The following ERBB4 variants were observed in gnomAD, a reference collection of about 807,000 sequenced individuals.
The protein encoded by ERBB4 is receptor tyrosine-protein kinase erbB-4.
In ERBB4, 42 loss-of-function variants were observed where a neutral mutation model predicts 158.0. The ratio of observed to expected loss-of-function variants is 0.27; its 90% CI spans 0.21 to 0.34. The LOEUF (loss-of-function observed/expected upper bound fraction) is 0.34, where lower values mean the gene tolerates loss of function less well. Among genes scored for constraint, ERBB4 ranks in the 10% least tolerant of loss-of-function variants. The probability of loss-of-function intolerance (pLI) is 1.00; values close to 1 mark genes in which losing one functional copy is unlikely to be tolerated. For synonymous variants in ERBB4, 583 were observed against 558.7 expected, an observed-to-expected ratio of 1.04 and a Z score of -0.61; for missense variants, 1,333 against 1,624.1, an observed-to-expected ratio of 0.82 and a Z score of 3.08.
intron 19 of ERBB4, among the ~76,000 whole-genome samples, chr2:211,590,299 G>A (rs886820081): frequency 1.3e-5 from 2 of 152,110 alleles, no homozygotes; most frequent in African/African-American, 4.8e-5. Context: ...GACGATAATG[G>A]CCCTTTCCCA....
At chr2:211,387,225 AG>A in intron 26 of ERBB4, 75 bp from the exon 27 acceptor site, 1 of 1,152,996 alleles carries the variant, frequency 8.7e-7, no homozygotes, top group Non-Finnish European at 1.3e-6. Context: ...AATAGCCACA[AG>A]GATATCAAAG....
chr2:212,510,509 G>C (rs1691457913), intron 1 of ERBB4, among the ~76,000 whole-genome samples: 1 of 151,904 alleles, frequency 6.6e-6, no homozygotes, highest in African/African-American at 2.4e-5. Flanking sequence ...ATAATCCAAT[G>C]ATATGATTTT....
chr2:212,507,832 C>T (rs1480608220), intron 1 of ERBB4, among the ~76,000 whole-genome samples: 1 of 152,128 alleles, frequency 6.6e-6, no homozygotes, highest in Non-Finnish European at 1.5e-5. Flanking sequence ...TATATAAACT[C>T]AGTTGAAAAA....
chr2:212,122,938 T>C (rs1444995855), intron 2 of ERBB4, among the ~76,000 whole-genome samples: 1 of 152,166 alleles, frequency 6.6e-6, no homozygotes, highest in African/African-American at 2.4e-5. Flanking sequence ...ATTTTAAAAT[T>C]TTTCTATTAT....
chr2:211,861,616 T>G (rs1559587092), intron 3 of ERBB4, among the ~76,000 whole-genome samples: 1 of 152,124 alleles, frequency 6.6e-6, no homozygotes, highest in Admixed American at 6.6e-5. Flanking sequence ...TATAATTTTC[T>G]TCATCTCTCA....
chr2:212,093,793 A>T (rs1055390668), intron 2 of ERBB4, among the ~76,000 whole-genome samples: 5 of 152,332 alleles, frequency 3.3e-5, no homozygotes, highest in South Asian at 4.1e-4. Context: ...ATGCCATTTG[A>T]TTGCTTTTAT....
chr2:211,787,957 A>G, intron 4 of ERBB4, 68 bp downstream of exon 4: 1 of 1,458,824 alleles, frequency 6.9e-7, no homozygotes, highest in Non-Finnish European at 9.6e-7. Context: ...TGACATAATA[A>G]GCATAACTCA....
intron 20 of ERBB4, among the ~76,000 whole-genome samples, chr2:211,457,564 G>T (rs745640317): frequency 6.6e-6 from 1 of 152,210 alleles, no homozygotes; most frequent in Non-Finnish European, 1.5e-5. Flanking sequence ...CCTTGAATAT[G>T]AGCTGGTAGG....
At position 211,969,776 on chromosome 2, in the gene ERBB4, ATTTTCTCT is replaced by A. The variant is rs568522958; in HGVS notation, c.235-22168_235-22161del. Among the ~76,000 whole-genome samples, 130 of 151,422 alleles carry A rather than the reference ATTTTCTCT, an allele frequency of 8.6e-4. 3 individuals carry two copies. In the South Asian group the frequency reaches 0.024, roughly 28 times the overall value. ...GTCATTTTTTACTGTGTTTATTTGA[ATTTTCTCT>A]TTTTCTCTTTATTAGTCTAGCTAGT... On this transcript the variant is annotated intron_variant, in intron 2 of 27. Coordinates refer to ENST00000342788, the MANE Select transcript of ERBB4 (RefSeq NM_005235.3).
chr2:212,357,971 T>C (rs1482796414), intron 1 of ERBB4, among the ~76,000 whole-genome samples: 1 of 151,934 alleles, frequency 6.6e-6, no homozygotes, highest in African/African-American at 2.4e-5. Context: ...CGTGTATTCA[T>C]TGCTCTCCTA....
intron 20 of ERBB4, among the ~76,000 whole-genome samples, chr2:211,496,879 T>C (rs757574686): frequency 5.3e-5 from 8 of 152,136 alleles, no homozygotes; most frequent in Non-Finnish European, 7.4e-5. Flanking sequence ...TTCTCAGTGA[T>C]GCCATTACGG....
intron 17 of ERBB4, among the ~76,000 whole-genome samples, chr2:211,629,072 C>G (rs1233895958): frequency 4.6e-5 from 7 of 152,022 alleles, no homozygotes; most frequent in Admixed American, 4.6e-4. Context: ...TGGATATTAG[C>G]CCTTTGTCAG....
chr2:211,669,768 A>G (rs2071769056), intron 14 of ERBB4, among the ~76,000 whole-genome samples: 1 of 152,174 alleles, frequency 6.6e-6, no homozygotes, highest in Non-Finnish European at 1.5e-5. Flanking sequence ...ATTGCACTGA[A>G]GACATTGTTT....
At chr2:211,880,768 G>C (rs1401524970) in intron 3 of ERBB4, among the ~76,000 whole-genome samples, 1 of 149,156 alleles carries the variant, frequency 6.7e-6, no homozygotes, top group Non-Finnish European at 1.5e-5. Context: ...TGGGGAAAAT[G>C]TCCCAAAGAA....
chr2:211,801,802 A>G (rs988320751), intron 3 of ERBB4, among the ~76,000 whole-genome samples: 1 of 152,202 alleles, frequency 6.6e-6, no homozygotes, highest in Non-Finnish European at 1.5e-5. Flanking sequence ...GTATACATTC[A>G]TGTTCTACGC....
At chr2:211,709,019 A>C (rs989540369) in intron 9 of ERBB4, among the ~76,000 whole-genome samples, 2 of 151,962 alleles carry the variant, frequency 1.3e-5, no homozygotes, top group East Asian at 3.9e-4. Flanking sequence ...GATTTTCCAT[A>C]AGTAATTTTT....
intron 2 of ERBB4, among the ~76,000 whole-genome samples, chr2:212,089,665 G>C (rs1278691784): frequency 6.6e-6 from 1 of 152,118 alleles, no homozygotes; most frequent in African/African-American, 2.4e-5. Flanking sequence ...ATGAGTAAAA[G>C]CTCCCTGAGG....
chr2:211,623,010 T>TAC (rs2069683860), intron 18 of ERBB4, among the ~76,000 whole-genome samples: 3 of 47,958 alleles, frequency 6.3e-5, no homozygotes, highest in African/African-American at 4.0e-4. Context: ...TATATATATA[T>TAC]ATATATATAT....
intron 2 of ERBB4, among the ~76,000 whole-genome samples, chr2:212,047,642 T>A (rs977468200): frequency 6.7e-6 from 1 of 148,582 alleles, no homozygotes; most frequent in African/African-American, 2.5e-5. Flanking sequence ...TTGGCTAATT[T>A]TTTTTTTTTT....
Sources: allele counts gnomAD v4.1 joint callset (sites outside exome capture counted in the v4.1 genomes callset), GRCh38; gene constraint gnomAD v4.1.1; transcripts MANE v1.5; gene names NCBI Gene and HGNC (gene_info 2026-07-23, HGNC 2026-07-21).